The following ADAMTSL3 variants were observed in gnomAD, a reference collection of about 807,000 sequenced individuals.
ADAMTSL3 encodes the protein ADAMTS-like protein 3.
A neutral mutation model predicts 201.7 loss-of-function variants in ADAMTSL3; 128 were observed. The ratio of observed to expected loss-of-function variants is 0.63; its 90% confidence interval spans 0.55 to 0.73. ADAMTSL3 has a LOEUF of 0.73. Among genes scored for constraint, ADAMTSL3 ranks in the 30% least tolerant of loss-of-function variants. ADAMTSL3 has a pLI of 0.00. For synonymous variants in ADAMTSL3, 738 were observed against 748.4 expected, an observed-to-expected ratio of 0.99 and a Z score of 0.23; for missense variants, 1,990 against 2,119.6, an observed-to-expected ratio of 0.94 and a Z score of 1.20.
intron 17 of ADAMTSL3, among the ~76,000 whole-genome samples, chr15:83,926,263 T>C (rs1025351671): frequency 2.0e-5 from 3 of 152,026 alleles, no homozygotes; most frequent in African/African-American, 7.2e-5. Context: ...CTCAGTATGC[T>C]CAAGGAACTG....
At chr15:83,854,849 C>G (rs2064698321) in intron 7 of ADAMTSL3, among the ~76,000 whole-genome samples, 1 of 151,766 alleles carries the variant, frequency 6.6e-6, no homozygotes, top group South Asian at 2.1e-4. Context: ...TCAAATTGTC[C>G]AAAATGTAGC....
rs542486898 is a variant in ADAMTSL3 at position 83,927,769 on chromosome 15, C to A, written c.2117+3736C>A. On this transcript the variant is annotated intron_variant, in intron 17 of 29. Coordinates refer to ENST00000286744, the MANE Select transcript of ADAMTSL3 (RefSeq NM_207517.3). ...CATGAGATGTCATCTAGTCCAAATT[C>A]TGCCTTTTCTGGATGGCCAAATGGA... 3.3e-5 allele frequency among the ~76,000 whole-genome samples: 5 copies of A among 152,216 alleles called. No homozygotes were observed. In the East Asian group the frequency reaches 9.7e-4, roughly 29 times the overall value.
At chr15:83,754,102 C>T (rs2062680452) in intron 3 of ADAMTSL3, among the ~76,000 whole-genome samples, 1 of 152,152 alleles carries the variant, frequency 6.6e-6, no homozygotes, top group South Asian at 2.1e-4. Context: ...TGGGGACTGT[C>T]CTGGGCACTG....
At chr15:83,831,046 G>A (rs2064145309) in intron 6 of ADAMTSL3, among the ~76,000 whole-genome samples, 1 of 152,162 alleles carries the variant, frequency 6.6e-6, no homozygotes, top group African/African-American at 2.4e-5. Flanking sequence ...GAGTTGATAG[G>A]CAGAAACAAA....
At chr15:83,840,340 G>T (rs1378572436) in intron 7 of ADAMTSL3, among the ~76,000 whole-genome samples, 2 of 152,184 alleles carry the variant, frequency 1.3e-5, no homozygotes, top group Non-Finnish European at 1.5e-5. Flanking sequence ...CAATTTGAAG[G>T]TCATTTGTGA....
chr15:83,804,567 T>C, intron 4 of ADAMTSL3, 83 bp from the exon 5 acceptor site: 1 of 908,500 alleles, frequency 1.1e-6, no homozygotes, highest in Non-Finnish European at 1.7e-6. Context: ...CAATGCCTTG[T>C]ATTTGCTTTT....
At chr15:83,825,408 C>G (rs530335279) in intron 6 of ADAMTSL3, among the ~76,000 whole-genome samples, 187 of 152,202 alleles carry the variant, frequency 1.2e-3, no homozygotes, top group Middle Eastern at 6.8e-3. Flanking sequence ...CCTAGGAGTT[C>G]GAGACCAGCC....
At chr15:83,898,661 T>C (rs11857009) in intron 14 of ADAMTSL3, among the ~76,000 whole-genome samples, 95,502 of 152,056 alleles carry the variant, frequency 0.63, 31,099 homozygotes, top group African/African-American at 0.79. Flanking sequence ...CTCTCTGATA[T>C]ATGATCTTCT....
At chr15:83,966,002 T>G (rs533921338) in intron 19 of ADAMTSL3, among the ~76,000 whole-genome samples, 2 of 152,176 alleles carry the variant, frequency 1.3e-5, no homozygotes, top group East Asian at 3.9e-4. Context: ...AAAGACACAA[T>G]GTACCAGAAT....
chr15:83,754,932 C>T (rs2062695281), intron 3 of ADAMTSL3, among the ~76,000 whole-genome samples: 1 of 152,046 alleles, frequency 6.6e-6, no homozygotes, highest in Non-Finnish European at 1.5e-5. Flanking sequence ...ACTTAATTTC[C>T]CTACAACTTT....
At chr15:83,847,519 G>C (rs2064524856) in intron 7 of ADAMTSL3, among the ~76,000 whole-genome samples, 1 of 148,706 alleles carries the variant, frequency 6.7e-6, no homozygotes, top group East Asian at 2.0e-4. Flanking sequence ...TTTTGAGATG[G>C]AGTTTTGCTT....
chr15:83,824,857 AAAATT>A (rs1390917666), intron 6 of ADAMTSL3: 1 of 152,222 alleles, frequency 6.6e-6, no homozygotes, highest in Admixed American at 6.5e-5. Flanking sequence ...TTTAAGATAA[AAAATT>A]AAATTAATGG....
At chr15:83,743,896 G>A (rs1223675661) in intron 3 of ADAMTSL3, among the ~76,000 whole-genome samples, 1 of 151,698 alleles carries the variant, frequency 6.6e-6, no homozygotes, top group African/African-American at 2.4e-5. Flanking sequence ...CTGTTGCCCA[G>A]GCGGAGTGCA....
intron 5 of ADAMTSL3, among the ~76,000 whole-genome samples, chr15:83,809,648 CA>C (rs2063660457): frequency 6.6e-6 from 1 of 152,164 alleles, no homozygotes. Flanking sequence ...CGGCCCCAGG[CA>C]ATCACTAACC....
intron 26 of ADAMTSL3, among the ~76,000 whole-genome samples, chr15:84,024,388 A>T (rs564343810): frequency 6.6e-6 from 1 of 152,218 alleles, no homozygotes. Context: ...TACCTGTCAT[A>T]ATGTAATGTG....
At chr15:83,853,517 G>A (rs1476801117) in intron 7 of ADAMTSL3, among the ~76,000 whole-genome samples, 7 of 151,992 alleles carry the variant, frequency 4.6e-5, no homozygotes, top group Admixed American at 2.6e-4. Context: ...ATTTTTATCA[G>A]GAATAATGAC....
intron 3 of ADAMTSL3, among the ~76,000 whole-genome samples, chr15:83,726,430 G>A (rs902380511): frequency 1.3e-5 from 2 of 151,998 alleles, no homozygotes; most frequent in Non-Finnish European, 2.9e-5. Flanking sequence ...CCAGTACTAC[G>A]TTGAATGACA....
chr15:83,891,244 TG>T (rs1289740935), intron 11 of ADAMTSL3, 84 bp from the exon 12 acceptor site: 2 of 1,189,950 alleles, frequency 1.7e-6, no homozygotes, highest in Non-Finnish European at 2.5e-6. Context: ...CTCTGTCTCT[TG>T]GGATGTCAAA....
At position 83,922,607 on chromosome 15, in the gene ADAMTSL3, G is replaced by A. The variant is rs779751286; in HGVS notation, c.1988-1297G>A. Among the ~76,000 whole-genome samples the A allele has an allele frequency of 7.6e-4, 115 of 152,100 alleles. 5 individuals are homozygous for A. The highest frequency in any genetic ancestry group is 3.5e-4 in the Non-Finnish European group (24 of 68,018). On this transcript the variant is annotated intron_variant, in intron 16 of 29. Coordinates refer to ENST00000286744, the MANE Select transcript of ADAMTSL3 (RefSeq NM_207517.3). ...GTAGCAATGCCTTCTTATATCTCAC[G>A]TTAGCCAATGTTTATTTTAAAAGTT...
Sources: gnomAD v4.1 joint callset for allele counts (sites outside exome capture counted in the v4.1 genomes callset) on GRCh38, gnomAD v4.1.1 for gene constraint, MANE v1.5 for transcripts, NCBI Gene and HGNC (gene_info 2026-07-23, HGNC 2026-07-21) for gene names.